YIPF3: variants seen among roughly 807,000 people sequenced by gnomAD.
YIPF3 encodes the protein protein YIPF3.
A neutral mutation model predicts 40.3 loss-of-function variants in YIPF3; 18 were observed. That is an observed-to-expected ratio of 0.45 (90% CI 0.31 to 0.66). The LOEUF (loss-of-function observed/expected upper bound fraction) is 0.66. Ranked by LOEUF, YIPF3 falls within the 30% of genes least tolerant of loss-of-function variation. The probability of loss-of-function intolerance (pLI) is 0.07; values close to 1 mark genes in which losing one functional copy is unlikely to be tolerated. For missense variants in YIPF3, 406 were observed against 452.2 expected (o/e 0.90, Z 0.93); for synonymous variants, 190 against 179.6 (o/e 1.06, Z -0.46).
intron 1 of YIPF3, chr6:43,516,303 T>A (rs1298344987): frequency 2.6e-6 from 3 of 1,141,670 alleles, no homozygotes; most frequent in African/African-American, 1.6e-5. Flanking sequence ...GGAAACCTAC[T>A]AGTCTTCCAT....
In YIPF3 at chr6:43,516,756, C is replaced by G; in HGVS notation, c.52G>C (p.Glu18Gln). 1 of 1,604,324 alleles carries G rather than the reference C, an allele frequency of 6.2e-7. No individual in the cohort carries two copies. Among genetic ancestry groups the G allele is most frequent in the Non-Finnish European group, 8.5e-7 (1 of 1,175,782 alleles). ...AGGARNGAGP[E>Q]WGGFEENIQG... ...ATGTTTTCTTCGAACCCTCCCCATT[C>G]CGGGCCAGCTCCATTTCGGGCGCCG... The change falls in exon 1 of 9, where the codon GAA becomes CAA. Residue 18 changes from glutamate (E) to glutamine (Q), a missense_variant. Transcript: ENST00000372422.
Position 43,515,828 on chromosome 6 carries a change from C to T in YIPF3, c.288+61G>A, listed in dbSNP as rs569453886. The T allele has an allele frequency of 6.9e-6, 11 of 1,591,040 alleles. No individual in the cohort carries two copies. The South Asian group carries it at 1.1e-4, about 16-fold the overall frequency. On this transcript the variant is annotated intron_variant, in intron 2 of 8. Transcript: ENST00000372422. ...GGGGCGAACATCACCAACACCAATT[C>T]CAGAACACGGGACATACCTAGGTCT...
Position 43,512,504 on chromosome 6 carries a change from G to A in YIPF3, c.840C>T (p.Thr280=). The change falls in exon 8 of 9, where the codon ACC becomes ACT. Residue 280 remains threonine (T), a synonymous_variant. Coordinates refer to ENST00000372422, the MANE Select transcript of YIPF3 (RefSeq NM_015388.4). The part of the protein sequence containing the change: ...GPTQRLLLCG[T]LAALHMLFLL... ...GGAAGAGCATGTGTAGGGCAGCCAG[G>A]GTGCCACAGAGGAGCAGCCGCTGTG... The A allele has an allele frequency of 1.2e-6, 2 of 1,613,646 alleles. No individual in the cohort carries two copies. Among genetic ancestry groups the A allele is most frequent in the Non-Finnish European group, 1.7e-6 (2 of 1,180,024 alleles).
At chr6:43,515,515 C>T (rs1337006726) in intron 3 of YIPF3, 80 bp downstream of exon 3, 1 of 1,464,864 alleles carries the variant, frequency 6.8e-7, no homozygotes, top group Non-Finnish European at 9.6e-7. Flanking sequence ...CCATCAGAGC[C>T]CAGGGCTTGA....
At chr6:43,514,418 C>T (rs1792733659) in intron 3 of YIPF3, among the ~76,000 whole-genome samples, 1 of 152,190 alleles carries the variant, frequency 6.6e-6, no homozygotes, top group Non-Finnish European at 1.5e-5. Context: ...TTATCTGTGC[C>T]TCCAGGCACT....
Position 43,514,994 on chromosome 6 carries a change from C to CT in YIPF3, c.395+600dup, listed in dbSNP as rs944845557. On this transcript the variant is annotated intron_variant, in intron 3 of 8. Coordinates refer to ENST00000372422, the MANE Select transcript of YIPF3 (RefSeq NM_015388.4). ...GTCTATTAGAGGCAAGCGCAGAGTT[C>CT]TTTTTTTTTTTTTTTTGAGATGGAG... Among the ~76,000 whole-genome samples, 1,078 of 138,494 alleles carry CT rather than the reference C, an allele frequency of 7.8e-3. 3 individuals carry two copies. Among genetic ancestry groups the CT allele is most frequent in the Middle Eastern group, 0.011 (3 of 270 alleles). The allele number at this position is 138,494 out of a possible 152,430, so 90.9% of individuals were successfully genotyped here.
chr6:43,511,926 G>T lies in YIPF3; in HGVS notation c.*241C>A. 3.6e-6 allele frequency: 2 copies of T among 548,736 alleles called. No homozygotes were observed. Among genetic ancestry groups the T allele is most frequent in the Non-Finnish European group, 6.3e-6 (2 of 316,992 alleles). 34.0% of individuals were successfully genotyped at this position (548,736 alleles called of 1,614,324 possible). On this transcript the variant is annotated 3_prime_UTR_variant, in exon 9 of 9. Coordinates refer to ENST00000372422, the MANE Select transcript of YIPF3 (RefSeq NM_015388.4). Reference sequence around the variant, plus strand: ...GGAAGGAAGGGGTAGGTGGGGAGGGGTTCTCAAAGGAGCTGACCCATTTTC... The same window carrying T: ...GGAAGGAAGGGGTAGGTGGGGAGGGTTTCTCAAAGGAGCTGACCCATTTTC...
intron 1 of YIPF3, chr6:43,516,381 C>T (rs1294021943): frequency 2.4e-5 from 17 of 693,976 alleles, no homozygotes; most frequent in East Asian, 2.3e-4. Flanking sequence ...TCCTTCTTTC[C>T]TAAGCCCCAA....
chr6:43,516,510 C>T, intron 1 of YIPF3: 1 of 647,770 alleles, frequency 1.5e-6, no homozygotes, highest in South Asian at 2.0e-5. Flanking sequence ...TTCCTAATGC[C>T]TCGGGCGGGC....
At position 43,515,540 on chromosome 6, in the gene YIPF3, G is replaced by C. The variant is rs75268659; in HGVS notation, c.395+55C>G. On this transcript the variant is annotated intron_variant, in intron 3 of 8. Coordinates refer to ENST00000372422, the MANE Select transcript of YIPF3 (RefSeq NM_015388.4). ...CCAGGGCTTGAAATCTGACTGTAGT[G>C]TGCATGAAGGTCTAGGTGTTAGGAG... The C allele has an allele frequency of 6.6e-3, 10,385 of 1,578,858 alleles. 56 individuals are homozygous for C. The highest frequency in any genetic ancestry group is 7.8e-3 in the Non-Finnish European group (9,009 of 1,149,244).
chr6:43,512,972 C>T, intron 6 of YIPF3, 97 bp downstream of exon 6: 1 of 1,592,492 alleles, frequency 6.3e-7, no homozygotes, highest in Non-Finnish European at 8.6e-7. Flanking sequence ...TTGGCCTACT[C>T]CTCCCATTCC....
At chr6:43,514,073 C>T (rs1792725138) in intron 3 of YIPF3, among the ~76,000 whole-genome samples, 1 of 152,164 alleles carries the variant, frequency 6.6e-6, no homozygotes, top group African/African-American at 2.4e-5. Flanking sequence ...AACCCTGTCT[C>T]TACGAAAAAT....
Position 43,512,061 on chromosome 6 carries a change from A to G in YIPF3, c.*106T>C. 6.5e-7 allele frequency: 1 copy of G among 1,531,066 alleles called. No individual in the cohort carries two copies. The highest frequency in any genetic ancestry group is 8.9e-7 in the Non-Finnish European group (1 of 1,129,572). 94.8% of individuals were successfully genotyped at this position (1,531,066 alleles called of 1,614,324 possible). A position where few individuals can be genotyped will look rare whatever the true frequency, so the allele number is the denominator to read the frequency against. ...ACTTACGCAGCTACAGCTCAGTGGC[A>G]GCTGCAAACCCCATCTACGAAACAT... On this transcript the variant is annotated 3_prime_UTR_variant, in exon 9 of 9. Transcript: ENST00000372422.
At position 43,514,165 on chromosome 6, in the gene YIPF3, C is replaced by T. The variant is rs186079173; in HGVS notation, c.396-532G>A. Among the ~76,000 whole-genome samples the T allele has an allele frequency of 1.3e-4, 20 of 152,274 alleles. No individual in the cohort carries two copies. The East Asian group carries it at 1.7e-3, about 13-fold the overall frequency. On this transcript the variant is annotated intron_variant, in intron 3 of 8. Transcript: ENST00000372422. ...CTGAGGCAGGAGAATTGCCTGAACC[C>T]GGGAAGCGGAGGTTGCAGTGAACCG...
chr6:43,515,982 A>C lies in YIPF3; in HGVS notation c.195T>G (p.Asp65Glu), dbSNP rs776841921. 9 of 1,596,988 alleles carry C rather than the reference A, an allele frequency of 5.6e-6. No individual in the cohort carries two copies. In the African/African-American group the frequency reaches 1.2e-4, roughly 21 times the overall value. Residue 65 changes from aspartate (D) to glutamate (E), a missense_variant, in exon 2 of 9, where the codon GAT (aspartate) becomes GAG (glutamate). Transcript: ENST00000372422. ...CTTCAGCAGCAGCTGCATCAGCTGC[A>C]TCAGCGTCTACTTCTTCCTCGCGCA... is the stretch of plus-strand genomic sequence containing the variant. ...QRLREEEVDA[D>E]AADAAAAEEE...
chr6:43,513,327 G>A (rs774099633), intron 5 of YIPF3, 32 bp downstream of exon 5: 2 of 1,613,630 alleles, frequency 1.2e-6, no homozygotes, highest in African/African-American at 1.3e-5. Context: ...ACCTAGTGCA[G>A]CCACCCCCCC....
chr6:43,513,334 C>T, intron 5 of YIPF3, 25 bp downstream of exon 5: 1 of 1,614,020 alleles, frequency 6.2e-7, no homozygotes, highest in Non-Finnish European at 8.5e-7. Flanking sequence ...GCAGCCACCC[C>T]CCCAAAGTTG....
At chr6:43,515,529 C>A in intron 3 of YIPF3, 66 bp downstream of exon 3, 1 of 1,553,668 alleles carries the variant, frequency 6.4e-7, no homozygotes, top group Non-Finnish European at 8.9e-7. Context: ...GGCTTGAAAT[C>A]TGACTGTAGT....
intron 3 of YIPF3, 50 bp from the exon 4 acceptor site, chr6:43,513,683 G>C: frequency 2.0e-6 from 3 of 1,504,832 alleles, no homozygotes; most frequent in Non-Finnish European, 2.7e-6. Context: ...AGGCCATGAG[G>C]TTCTGGAGGG....
Sources: gnomAD v4.1 joint callset for allele counts (sites outside exome capture counted in the v4.1 genomes callset) on GRCh38, gnomAD v4.1.1 for gene constraint, MANE v1.5 for transcripts, NCBI Gene and HGNC (gene_info 2026-07-23, HGNC 2026-07-21) for gene names.